TAS2R1: variants seen among roughly 807,000 people sequenced by gnomAD.
TAS2R1 encodes the protein taste receptor type 2 member 1.
For synonymous variants in TAS2R1, 141 were observed against 134.2 expected (o/e 1.05, Z -0.35); for missense variants, 370 against 353.4 (o/e 1.05, Z -0.38).
chr5:9,830,473 C>T, the TAS2R1 span, among the ~76,000 whole-genome samples: 1 of 151,770 alleles, frequency 6.6e-6, no homozygotes, highest in Non-Finnish European at 1.5e-5. Flanking sequence ...AGATGACAGA[C>T]ACAGAAAAAT....
chr5:9,861,873 T>C, the TAS2R1 span, among the ~76,000 whole-genome samples: 1 of 152,288 alleles, frequency 6.6e-6, no homozygotes, highest in Admixed American at 6.5e-5. Context: ...TGGGTCACAT[T>C]CCAGGGCAGC....
In TAS2R1 at chr5:9,628,735, T is replaced by G. The variant is rs1739805043; in HGVS notation, c.*398A>C. Among the ~76,000 whole-genome samples the G allele has an allele frequency of 6.6e-6, 1 of 152,236 alleles. No homozygotes were observed. The highest frequency in any genetic ancestry group is 2.4e-5 in the African/African-American group (1 of 41,468). ...TGGACCATACAGCATTCATGTGTCC[T>G]TCTGACATCACGAGTTCAAACAAGT... On this transcript the variant is annotated 3_prime_UTR_variant, in exon 1 of 1. Transcript: ENST00000382492.
At chr5:9,845,672 G>C in the TAS2R1 span, among the ~76,000 whole-genome samples, 1 of 152,150 alleles carries the variant, frequency 6.6e-6, no homozygotes, top group South Asian at 2.1e-4. Context: ...GAGAATAAAG[G>C]CTGAAGCCGT....
intron 1 of TAS2R1, among the ~76,000 whole-genome samples, chr5:9,671,228 G>A (rs1740747366): frequency 6.6e-6 from 1 of 152,070 alleles, no homozygotes; most frequent in Non-Finnish European, 1.5e-5. Flanking sequence ...TTGAAAACCA[G>A]AACAAGACAA....
At chr5:9,760,393 C>T in the TAS2R1 span, among the ~76,000 whole-genome samples, 1 of 152,164 alleles carries the variant, frequency 6.6e-6, no homozygotes, top group Non-Finnish European at 1.5e-5. Context: ...CATTATAAGA[C>T]AGGAAATCTG....
intron 1 of TAS2R1, among the ~76,000 whole-genome samples, chr5:9,710,682 A>G (rs1741714289): frequency 6.6e-6 from 1 of 152,046 alleles, no homozygotes; most frequent in Non-Finnish European, 1.5e-5. Context: ...AGCCAAAAAC[A>G]AAACAAAAAC....
At chr5:9,861,037 G>GGTTTTTTTTTTTTTTTTTTTTTTTTTTT in the TAS2R1 span, among the ~76,000 whole-genome samples, 3 of 88,612 alleles carry the variant, frequency 3.4e-5, no homozygotes, top group African/African-American at 1.3e-4. Context: ...GGAAGATGAG[G>GGTTTTTTTTTTTTTTTTTTTTTTTTTTT]TTTTTTTTTT....
the TAS2R1 span, among the ~76,000 whole-genome samples, chr5:9,872,397 T>G: frequency 8.5e-5 from 13 of 152,226 alleles, no homozygotes; most frequent in Non-Finnish European, 1.5e-4. Flanking sequence ...ATTTTTATAA[T>G]TATTTTCCCC....
the TAS2R1 span, among the ~76,000 whole-genome samples, chr5:9,717,676 C>T: frequency 1.4e-5 from 2 of 138,620 alleles, no homozygotes; most frequent in African/African-American, 5.2e-5. Flanking sequence ...AATAAAATGT[C>T]AAGGAAAAGA....
chr5:9,844,424 G>T, the TAS2R1 span, among the ~76,000 whole-genome samples: 1 of 151,838 alleles, frequency 6.6e-6, no homozygotes, highest in Admixed American at 6.6e-5. Flanking sequence ...CTTACCACAG[G>T]GCCTTCTACA....
intron 2 of TAS2R1, among the ~76,000 whole-genome samples, chr5:9,654,019 C>T (rs1054999836): frequency 2.0e-5 from 3 of 152,136 alleles, no homozygotes; most frequent in Admixed American, 1.3e-4. Flanking sequence ...TCAGACAGCT[C>T]AGCTGAGCTG....
chr5:9,820,332 G>T, the TAS2R1 span, among the ~76,000 whole-genome samples: 6 of 152,164 alleles, frequency 3.9e-5, no homozygotes, highest in African/African-American at 1.4e-4. Context: ...CCCAGGCTTT[G>T]TCAGAACGCC....
the TAS2R1 span, among the ~76,000 whole-genome samples, chr5:9,758,331 AAC>A: frequency 6.6e-6 from 1 of 152,188 alleles, no homozygotes; most frequent in African/African-American, 2.4e-5. Flanking sequence ...CGTATACACA[AAC>A]ACACAAACAT....
chr5:9,686,437 G>A (rs1203853952), intron 1 of TAS2R1, among the ~76,000 whole-genome samples: 3 of 152,156 alleles, frequency 2.0e-5, no homozygotes, highest in South Asian at 2.1e-4. Flanking sequence ...TCCAGCCCAT[G>A]GCGAACTCCT....
intron 1 of TAS2R1, among the ~76,000 whole-genome samples, chr5:9,667,964 A>G (rs1273703886): frequency 6.6e-6 from 1 of 152,222 alleles, no homozygotes; most frequent in Non-Finnish European, 1.5e-5. Flanking sequence ...ATGGATAAGA[A>G]CAAAGATCAT....
the TAS2R1 span, among the ~76,000 whole-genome samples, chr5:9,876,993 C>G: frequency 6.6e-6 from 1 of 152,212 alleles, no homozygotes; most frequent in African/African-American, 2.4e-5. Flanking sequence ...ACACATGCCA[C>G]AAGGAATATA....
the TAS2R1 span, among the ~76,000 whole-genome samples, chr5:9,787,559 A>C: frequency 1.3e-5 from 2 of 152,208 alleles, no homozygotes; most frequent in Admixed American, 6.5e-5. Context: ...ATGTTTGCTG[A>C]TCTCTCTAAT....
the TAS2R1 span, among the ~76,000 whole-genome samples, chr5:9,824,908 T>A: frequency 6.8e-3 from 1,012 of 149,694 alleles, 6 homozygotes; most frequent in Non-Finnish European, 0.011. Context: ...ACACAAGGTA[T>A]CTATCCCACC....
the TAS2R1 span, among the ~76,000 whole-genome samples, chr5:9,844,508 C>T: frequency 6.6e-6 from 1 of 152,112 alleles, no homozygotes; most frequent in African/African-American, 2.4e-5. Context: ...GTAAGTCTTC[C>T]CTGACATATT....
Sources: gnomAD v4.1 joint callset for allele counts (sites outside exome capture counted in the v4.1 genomes callset) on GRCh38, gnomAD v4.1.1 for gene constraint, MANE v1.5 for transcripts, NCBI Gene and HGNC (gene_info 2026-07-23, HGNC 2026-07-21) for gene names.